The following SLC16A12 variants were observed in gnomAD, a reference collection of about 807,000 sequenced individuals.
SLC16A12 encodes the protein monocarboxylate transporter 12.
Under a neutral mutation model 42.4 loss-of-function variants are expected in SLC16A12, and 17 were observed. The ratio of observed to expected loss-of-function variants is 0.40; its 90% CI spans 0.27 to 0.60. The LOEUF (loss-of-function observed/expected upper bound fraction) is 0.60. Among genes scored for constraint, SLC16A12 ranks in the 20% least tolerant of loss-of-function variants. The pLI is 0.42. For missense variants in SLC16A12, 544 were observed against 623.0 expected (o/e 0.87, Z 1.35); for synonymous variants, 224 against 229.4 (o/e 0.98, Z 0.21).
chr10:89,451,105 AG>A (rs1842090116), intron 3 of SLC16A12, among the ~76,000 whole-genome samples: 1 of 152,228 alleles, frequency 6.6e-6, no homozygotes, highest in Admixed American at 6.5e-5. Flanking sequence ...TGATAACAGT[AG>A]GGAAGAAATC....
intron 2 of SLC16A12, among the ~76,000 whole-genome samples, chr10:89,517,982 A>G (rs1305490862): frequency 2.6e-5 from 4 of 152,222 alleles, no homozygotes; most frequent in African/African-American, 9.6e-5. Flanking sequence ...AGGGCACCTT[A>G]GACTTGGGGA....
In SLC16A12 at chr10:89,465,999, A is replaced by C. The variant is rs377507837; in HGVS notation, c.-46-3375T>G. Reference sequence around the variant, plus strand: ...CTATAGCAGCCACTTCTTAACCATGAAGGAAGCTAGTTTGAGGACAAAGTT... The same window carrying C: ...CTATAGCAGCCACTTCTTAACCATGCAGGAAGCTAGTTTGAGGACAAAGTT... On this transcript the variant is annotated intron_variant, in intron 2 of 7. Transcript: ENST00000371790. 1.0e-3 allele frequency among the ~76,000 whole-genome samples: 153 copies of C among 152,296 alleles called. 1 individual carries two copies. Among genetic ancestry groups the C allele is most frequent in the African/African-American group, 3.4e-3 (143 of 41,552 alleles).
chr10:89,478,253 T>G (rs114059099), intron 2 of SLC16A12, among the ~76,000 whole-genome samples: 24 of 152,196 alleles, frequency 1.6e-4, no homozygotes, highest in African/African-American at 5.8e-4. Flanking sequence ...GATCTGACAG[T>G]GAAAGAACCA....
chr10:89,488,254 C>CA (rs1842793746), intron 2 of SLC16A12, among the ~76,000 whole-genome samples: 1 of 151,688 alleles, frequency 6.6e-6, no homozygotes, highest in Non-Finnish European at 1.5e-5. Flanking sequence ...AAAGATCCAT[C>CA]AAAAAAATCC....
At chr10:89,525,730 G>T (rs930591753) in intron 2 of SLC16A12, among the ~76,000 whole-genome samples, 11 of 152,130 alleles carry the variant, frequency 7.2e-5, no homozygotes, top group Non-Finnish European at 1.6e-4. Flanking sequence ...CAAAGAGCCG[G>T]CTGGCATTGA....
At chr10:89,482,617 CA>C (rs1842683284) in intron 2 of SLC16A12, among the ~76,000 whole-genome samples, 1 of 151,600 alleles carries the variant, frequency 6.6e-6, no homozygotes, top group Non-Finnish European at 1.5e-5. Context: ...CCTGTCTCTA[CA>C]AAAAATACAA....
intron 2 of SLC16A12, among the ~76,000 whole-genome samples, chr10:89,472,248 A>G (rs1318527569): frequency 1.3e-5 from 2 of 151,876 alleles, no homozygotes; most frequent in Non-Finnish European, 2.9e-5. Flanking sequence ...TGAAATGCCA[A>G]GAAATAGATT....
intron 2 of SLC16A12, among the ~76,000 whole-genome samples, chr10:89,550,759 G>C (rs1379421268): frequency 6.6e-6 from 1 of 151,692 alleles, no homozygotes; most frequent in East Asian, 1.9e-4. Flanking sequence ...AGAAGGCTTT[G>C]TGCTTGCCTT....
intron 5 of SLC16A12, among the ~76,000 whole-genome samples, chr10:89,440,449 G>A (rs746213156): frequency 2.6e-5 from 4 of 152,074 alleles, no homozygotes; most frequent in Non-Finnish European, 5.9e-5. Flanking sequence ...CCTTATTCAC[G>A]CCACACCAAT....
chr10:89,487,167 A>T (rs1239076240), intron 2 of SLC16A12, among the ~76,000 whole-genome samples: 5 of 152,238 alleles, frequency 3.3e-5, no homozygotes, highest in Non-Finnish European at 1.5e-5. Context: ...AGGCAAGGCA[A>T]CAAGCCTTCT....
intron 2 of SLC16A12, among the ~76,000 whole-genome samples, chr10:89,514,044 A>G (rs533330202): frequency 4.6e-4 from 70 of 152,306 alleles, no homozygotes; most frequent in African/African-American, 1.6e-3. Flanking sequence ...TGAAATCCTA[A>G]AGAGCAGGGC....
chr10:89,460,926 C>A (rs1208653090), intron 3 of SLC16A12, among the ~76,000 whole-genome samples: 1 of 152,128 alleles, frequency 6.6e-6, no homozygotes, highest in African/African-American at 2.4e-5. Flanking sequence ...GATACACAAT[C>A]AACCAACCGT....
At chr10:89,462,748 T>C in intron 2 of SLC16A12, 124 bp from the exon 3 acceptor site, 2 of 1,081,932 alleles carry the variant, frequency 1.8e-6, no homozygotes, top group Non-Finnish European at 2.6e-6. Context: ...CTATGAATAC[T>C]AGACTGGGGC....
At chr10:89,523,392 A>G (rs1327474885) in intron 2 of SLC16A12, among the ~76,000 whole-genome samples, 2 of 151,894 alleles carry the variant, frequency 1.3e-5, no homozygotes, top group African/African-American at 2.4e-5. Context: ...TCCACACACC[A>G]CTCAGGCTGT....
chr10:89,538,731 T>TA (rs1418010114), upstream of SLC16A12, among the ~76,000 whole-genome samples: 7 of 152,242 alleles, frequency 4.6e-5, no homozygotes, highest in African/African-American at 1.7e-4. Flanking sequence ...TATACATGTG[T>TA]AAAAAATATT....
intron 2 of SLC16A12, among the ~76,000 whole-genome samples, chr10:89,520,534 A>G (rs1374874153): frequency 6.6e-6 from 1 of 152,168 alleles, no homozygotes; most frequent in African/African-American, 2.4e-5. Flanking sequence ...AAAAATGCAA[A>G]AAGCTTACAT....
chr10:89,436,902 A>AAGAAAG (rs1192131102), intron 6 of SLC16A12, among the ~76,000 whole-genome samples: 1 of 149,878 alleles, frequency 6.7e-6, no homozygotes, highest in Admixed American at 6.6e-5. Flanking sequence ...GAAAGAAAGA[A>AAGAAAG]AGAAAGAAAG....
At chr10:89,510,700 G>A (rs1321406297) in intron 2 of SLC16A12, among the ~76,000 whole-genome samples, 3 of 152,258 alleles carry the variant, frequency 2.0e-5, no homozygotes, top group Middle Eastern at 3.4e-3. Context: ...AACACCAAAA[G>A]CAATGGCAAG....
intron 2 of SLC16A12, among the ~76,000 whole-genome samples, chr10:89,511,909 C>A (rs1412650384): frequency 6.6e-6 from 1 of 151,984 alleles, no homozygotes; most frequent in Non-Finnish European, 1.5e-5. Flanking sequence ...AGGAAGCAAC[C>A]CAAATGTTCA....
Sources: allele counts gnomAD v4.1 joint callset (sites outside exome capture counted in the v4.1 genomes callset), GRCh38; gene constraint gnomAD v4.1.1; transcripts MANE v1.5; gene names NCBI Gene and HGNC (gene_info 2026-07-23, HGNC 2026-07-21).